The following RNF17 variants were observed in gnomAD, a reference collection of about 807,000 sequenced individuals.
The protein encoded by RNF17 is ring finger protein 17, also known as spermatogenesis associated 23.
RNF17 carries 31 observed loss-of-function variants against 200.5 expected under a neutral mutation model. The observed-to-expected ratio is 0.15, with a 90% CI of 0.12 to 0.21. The LOEUF (loss-of-function observed/expected upper bound fraction) is 0.21. RNF17 is among the 10% of genes least tolerant of loss of function. RNF17 has a pLI of 1.00. For missense variants in RNF17, 1,628 were observed against 1,905.1 expected (o/e 0.85, Z 2.71); for synonymous variants, 606 against 637.8 (o/e 0.95, Z 0.75).
intron 1 of RNF17, 46 bp downstream of exon 1, chr13:24,764,379 A>C (rs751095134): frequency 4.6e-6 from 7 of 1,523,370 alleles, no homozygotes; most frequent in East Asian, 2.4e-5. Flanking sequence ...GCCTGGAGGG[A>C]GCGCTGGGGG....
chr13:24,793,158 C>G lies in RNF17; in HGVS notation c.1052C>G (p.Ser351Cys). ...PPLEKKKVDM[S>C]VLTSEAPPPP... ...CTAGAAAAGAAAAAGGTTGACATGT[C>G]TGTCCTAACCAGTGAAGCACCACCA... The change falls in exon 10 of 36, where the codon TCT becomes TGT. Residue 351 changes from serine (S) to cysteine (C), a missense_variant. Around this residue, in one of 5 missense-constraint regions of RNF17, gnomAD observed 502 missense variants for 501.7 expected, o/e 1.00. Transcript: ENST00000255324. 3 of 1,614,090 alleles carry G rather than the reference C, an allele frequency of 1.9e-6. No homozygotes were observed. The highest frequency in any genetic ancestry group is 2.5e-6 in the Non-Finnish European group (3 of 1,179,972).
At chr13:24,791,903 A>G (rs946746311) in intron 9 of RNF17, among the ~76,000 whole-genome samples, 1 of 152,184 alleles carries the variant, frequency 6.6e-6, no homozygotes, top group Non-Finnish European at 1.5e-5. Flanking sequence ...TTTTTTGAAT[A>G]AAGGGAATAA....
At chr13:24,838,902 T>C (rs547260354) in intron 18 of RNF17, among the ~76,000 whole-genome samples, 1 of 152,264 alleles carries the variant, frequency 6.6e-6, no homozygotes, top group East Asian at 1.9e-4. Flanking sequence ...GCTGATGATA[T>C]GATTGTTTAA....
chr13:24,883,082 ACAC>A, downstream of RNF17: 1 of 1,108,238 alleles, frequency 9.0e-7, no homozygotes, highest in Non-Finnish European at 1.4e-6. Flanking sequence ...TCTTTTCCCC[ACAC>A]ATACACAATA....
At chr13:24,751,719 C>T in the RNF17 span, 2 of 152,136 alleles carry the variant, frequency 1.3e-5, no homozygotes, top group East Asian at 1.9e-4. Context: ...GCACTTGCTC[C>T]TCCTTCTCTC....
At chr13:24,812,017 G>C (rs372991197) in intron 15 of RNF17, among the ~76,000 whole-genome samples, 1 of 151,646 alleles carries the variant, frequency 6.6e-6, no homozygotes, top group Admixed American at 6.6e-5. Flanking sequence ...CTCCAGCTGC[G>C]TGCTGGGAGA....
At position 24,802,462 on chromosome 13, in the gene RNF17, G is replaced by A. The variant is rs1438807167; in HGVS notation, c.1840G>A (p.Glu614Lys). The change falls in exon 14 of 36, where the codon GAA (glutamate) becomes AAA (lysine). Residue 614 changes from glutamate to lysine, a missense_variant. Coordinates refer to ENST00000255324, the MANE Select transcript of RNF17 (RefSeq NM_031277.3). ...GGCTGTTTCAATGAAAGTTTTTAGA[G>A]AAGAAGATGGTGTGCTTATTGTAGA... ...NKAVSMKVFR[E>K]EDGVLIVDLQ... The A allele has an allele frequency of 1.1e-5, 18 of 1,613,836 alleles. No individual in the cohort carries two copies. Among genetic ancestry groups the A allele is most frequent in the Non-Finnish European group, 1.4e-5 (16 of 1,179,880 alleles).
intron 31 of RNF17, among the ~76,000 whole-genome samples, chr13:24,869,082 A>C (rs1893976924): frequency 6.6e-6 from 1 of 151,312 alleles, no homozygotes; most frequent in Admixed American, 6.6e-5. Context: ...TGTTCCACTT[A>C]CTATGTTTGT....
chr13:24,860,136 T>C (rs1410463111), intron 26 of RNF17, among the ~76,000 whole-genome samples: 2 of 151,700 alleles, frequency 1.3e-5, no homozygotes, highest in East Asian at 1.9e-4. Flanking sequence ...CTGAGCAACT[T>C]GAATGTATGT....
At chr13:24,860,881 CT>C (rs57385609) in intron 26 of RNF17, among the ~76,000 whole-genome samples, 257 of 144,120 alleles carry the variant, frequency 1.8e-3, no homozygotes, top group Middle Eastern at 3.7e-3. Flanking sequence ...TTTCAGATGT[CT>C]TTTTTTTTTT....
intron 22 of RNF17, among the ~76,000 whole-genome samples, chr13:24,849,184 G>C (rs1481057567): frequency 6.6e-6 from 1 of 152,120 alleles, no homozygotes; most frequent in Non-Finnish European, 1.5e-5. Flanking sequence ...AGAATTAATT[G>C]TTTACTCAGT....
intron 32 of RNF17, among the ~76,000 whole-genome samples, chr13:24,870,990 G>T (rs947851789): frequency 6.6e-6 from 1 of 152,188 alleles, no homozygotes; most frequent in African/African-American, 2.4e-5. Context: ...ATAAGACAGC[G>T]TTGGAAAATT....
In RNF17 at chr13:24,861,258, C is replaced by T. The variant is rs75704772; in HGVS notation, c.3775-10C>T. 4.7e-3 allele frequency: 7,349 copies of T among 1,571,870 alleles called. 266 individuals carry two copies. In the African/African-American group the frequency reaches 0.084, roughly 18 times the overall value. On this transcript the variant is annotated splice_polypyrimidine_tract_variant and intron_variant, in intron 26 of 35. Transcript: ENST00000255324. ...AATTTTAACTATAAATTGTATTTGT[C>T]GTGTTTCAGGTACAATATTTAGATC... is the stretch of plus-strand genomic sequence containing the variant.
chr13:24,861,254 T>C lies in RNF17; in HGVS notation c.3775-14T>C. On this transcript the variant is annotated splice_polypyrimidine_tract_variant and intron_variant, in intron 26 of 35. Transcript: ENST00000255324. ...AATAAATTTTAACTATAAATTGTAT[T>C]TGTCGTGTTTCAGGTACAATATTTA... The C allele has an allele frequency of 6.4e-7, 1 of 1,567,610 alleles. No homozygotes were observed. Among genetic ancestry groups the C allele is most frequent in the Non-Finnish European group, 8.7e-7 (1 of 1,149,858 alleles).
At chr13:24,768,823 G>T (rs1220415692) in intron 2 of RNF17, among the ~76,000 whole-genome samples, 1 of 151,776 alleles carries the variant, frequency 6.6e-6, no homozygotes, top group Non-Finnish European at 1.5e-5. Flanking sequence ...TAAGCTTCCA[G>T]ACTACTAAAA....
chr13:24,849,711 A>G (rs1891648527), intron 22 of RNF17, among the ~76,000 whole-genome samples: 1 of 152,244 alleles, frequency 6.6e-6, no homozygotes, highest in Non-Finnish European at 1.5e-5. Flanking sequence ...TGGTACTGCT[A>G]AATTTTAGTC....
chr13:24,881,980 CTAGATATATAGATACATCTATA>C (rs1593521711), downstream of RNF17, among the ~76,000 whole-genome samples: 3 of 3,382 alleles, frequency 8.9e-4, no homozygotes, highest in East Asian at 5.6e-3. Context: ...ATAGATACAT[CTAGATATATAGATACATCTATA>C]TAGATATATA....
chr13:24,867,686 A>T (rs773326457), intron 30 of RNF17, among the ~76,000 whole-genome samples: 2 of 152,196 alleles, frequency 1.3e-5, no homozygotes, highest in Non-Finnish European at 2.9e-5. Flanking sequence ...TTTTATAAAG[A>T]TATTGCTTGT....
chr13:24,769,690 A>G (rs1880374722), intron 2 of RNF17, among the ~76,000 whole-genome samples: 3 of 152,196 alleles, frequency 2.0e-5, no homozygotes, highest in Admixed American at 2.0e-4. Context: ...CAAGGTATCT[A>G]CTCTAAAAAG....
Sources: allele counts gnomAD v4.1 joint callset (sites outside exome capture counted in the v4.1 genomes callset), GRCh38; gene constraint gnomAD v4.1.1; regional missense constraint gnomAD v4.1.1; transcripts MANE v1.5; gene names NCBI Gene and HGNC (gene_info 2026-07-23, HGNC 2026-07-21).